Variants in METTL15 observed in about 807,000 individuals in gnomAD.
METTL15 encodes methyltransferase 15, mitochondrial 12S rRNA N4-cytidine.
Under a neutral mutation model 38.3 loss-of-function variants are expected in METTL15, and 34 were observed. The observed-to-expected ratio is 0.89, with a 90% CI of 0.68 to 1.18. METTL15 has a LOEUF of 1.18. Among genes scored for constraint, METTL15 ranks in the 50% most tolerant of loss-of-function variants. The probability of loss-of-function intolerance (pLI) is 0.00; values close to 1 mark genes in which losing one functional copy is unlikely to be tolerated. For synonymous variants in METTL15, 162 were observed against 170.9 expected, an observed-to-expected ratio of 0.95 and a Z score of 0.41; for missense variants, 438 against 498.4, an observed-to-expected ratio of 0.88 and a Z score of 1.15.
chr11:28,118,049 C>G (rs1446008942), intron 3 of METTL15, among the ~76,000 whole-genome samples: 1 of 151,868 alleles, frequency 6.6e-6, no homozygotes, highest in Non-Finnish European at 1.5e-5. Flanking sequence ...GTCGTCCAGG[C>G]TGGAGTACAG....
intron 6 of METTL15, among the ~76,000 whole-genome samples, chr11:28,426,691 G>T (rs1305934415): frequency 2.0e-5 from 3 of 148,836 alleles, no homozygotes; most frequent in African/African-American, 7.4e-5. Context: ...GATCAGTGCT[G>T]TTGAGCTTTT....
Position 28,296,840 on chromosome 11 carries a change from G to A in METTL15, c.687G>A (p.Glu229=), listed in dbSNP as rs1856755133. ...LASILRTYGE[E]KHAKKIASAI... ...CTATCCTAAGAACATACGGGGAGGA[G>A]AAGCATGCCAAGAAAATCGCTTCAG... The change falls in exon 6 of 7, where the codon GAG becomes GAA. Residue 229 remains glutamate (E), a synonymous_variant. Transcript: ENST00000407364. The A allele has an allele frequency of 1.2e-6, 2 of 1,613,540 alleles. No homozygotes were observed. Among genetic ancestry groups the A allele is most frequent in the East Asian group, 4.5e-5 (2 of 44,858 alleles).
At chr11:28,173,652 G>A (rs1442948845) in intron 3 of METTL15, among the ~76,000 whole-genome samples, 2 of 152,126 alleles carry the variant, frequency 1.3e-5, no homozygotes, top group Non-Finnish European at 2.9e-5. Context: ...ACTAAAGTCT[G>A]TTCTTTACTC....
At chr11:28,506,767 CAG>C (rs1181838853) in intron 6 of METTL15, among the ~76,000 whole-genome samples, 1 of 116,904 alleles carries the variant, frequency 8.6e-6, no homozygotes, top group African/African-American at 3.4e-5. Context: ...TTTTTTGAGA[CAG>C]AGTCTCACTC....
intron 4 of METTL15, among the ~76,000 whole-genome samples, chr11:28,237,892 T>C (rs1355212274): frequency 6.6e-6 from 1 of 152,212 alleles, no homozygotes; most frequent in Non-Finnish European, 1.5e-5. Flanking sequence ...TGCCTGGGTA[T>C]CAGCAGCGGT....
chr11:28,476,253 A>C (rs761049741), intron 6 of METTL15, among the ~76,000 whole-genome samples: 6 of 152,170 alleles, frequency 3.9e-5, no homozygotes, highest in Non-Finnish European at 8.8e-5. Context: ...CCAGACAGAA[A>C]TATCAGGCTG....
chr11:28,204,201 C>A (rs537946050), intron 3 of METTL15, among the ~76,000 whole-genome samples: 1 of 152,096 alleles, frequency 6.6e-6, no homozygotes, highest in South Asian at 2.1e-4. Flanking sequence ...TCATTTTCCT[C>A]AAATGCTGGT....
intron 3 of METTL15, among the ~76,000 whole-genome samples, chr11:28,143,882 T>C (rs1849787893): frequency 6.6e-6 from 1 of 152,198 alleles, no homozygotes; most frequent in Non-Finnish European, 1.5e-5. Flanking sequence ...TCTTTTGACA[T>C]CTGACTGGAA....
intron 4 of METTL15, among the ~76,000 whole-genome samples, chr11:28,280,025 C>T (rs1855995077): frequency 6.6e-6 from 1 of 151,768 alleles, no homozygotes; most frequent in South Asian, 2.1e-4. Context: ...TCTATTCTTT[C>T]CTTTTGTGCC....
At chr11:28,447,721 G>C (rs1176398560) in intron 6 of METTL15, among the ~76,000 whole-genome samples, 1 of 152,036 alleles carries the variant, frequency 6.6e-6, no homozygotes, top group African/African-American at 2.4e-5. Flanking sequence ...TTAGAGAATG[G>C]CAGTTATGTA....
At chr11:28,249,587 A>G (rs574739166) in intron 4 of METTL15, among the ~76,000 whole-genome samples, 17 of 152,044 alleles carry the variant, frequency 1.1e-4, no homozygotes, top group South Asian at 4.2e-4. Flanking sequence ...TCATGAATGG[A>G]TAAGTCGTGT....
intron 4 of METTL15, among the ~76,000 whole-genome samples, chr11:28,273,544 A>G (rs1328163954): frequency 6.6e-6 from 1 of 152,094 alleles, no homozygotes; most frequent in African/African-American, 2.4e-5. Flanking sequence ...AGCTGTAGTT[A>G]ATCTTCAGAT....
intron 5 of METTL15, among the ~76,000 whole-genome samples, chr11:28,364,825 G>A (rs193022399): frequency 6.6e-6 from 1 of 152,246 alleles, no homozygotes; most frequent in Non-Finnish European, 1.5e-5. Context: ...GTCATAGATG[G>A]CTCTTATTAT....
chr11:28,148,410 T>C (rs1220762880), intron 3 of METTL15, among the ~76,000 whole-genome samples: 1 of 151,864 alleles, frequency 6.6e-6, no homozygotes, highest in Admixed American at 6.6e-5. Context: ...ATTTTTCTTG[T>C]TTCTTTCTTC....
intron 5 of METTL15, among the ~76,000 whole-genome samples, chr11:28,396,335 T>C (rs375019089): frequency 3.3e-5 from 5 of 152,062 alleles, no homozygotes; most frequent in African/African-American, 4.8e-5. Context: ...AATTGTATAT[T>C]TAGAAAACCC....
At chr11:28,297,182 G>A (rs898838845) in intron 6 of METTL15, among the ~76,000 whole-genome samples, 1 of 151,704 alleles carries the variant, frequency 6.6e-6, no homozygotes, top group Non-Finnish European at 1.5e-5. Flanking sequence ...AAAATATACT[G>A]TAGTTTGCTA....
chr11:28,119,183 T>C (rs1852101933), intron 3 of METTL15, among the ~76,000 whole-genome samples: 1 of 152,162 alleles, frequency 6.6e-6, no homozygotes, highest in South Asian at 2.1e-4. Flanking sequence ...ACTTAATAAG[T>C]CATAATTATA....
intron 5 of METTL15, among the ~76,000 whole-genome samples, chr11:28,412,771 C>T (rs1850739980): frequency 6.6e-6 from 1 of 151,736 alleles, no homozygotes; most frequent in Admixed American, 6.6e-5. Flanking sequence ...AGATTTAGTT[C>T]AAGAATATAC....
intron 5 of METTL15, among the ~76,000 whole-genome samples, chr11:28,363,162 T>C (rs1189728842): frequency 2.6e-5 from 4 of 152,114 alleles, no homozygotes; most frequent in African/African-American, 9.7e-5. Flanking sequence ...TTTATATGTC[T>C]TCTTCTTTTT....
Sources: allele counts gnomAD v4.1 joint callset (sites outside exome capture counted in the v4.1 genomes callset), GRCh38; gene constraint gnomAD v4.1.1; transcripts MANE v1.5; gene names NCBI Gene and HGNC (gene_info 2026-07-23, HGNC 2026-07-21).